The following MGAT4C variants were observed in gnomAD, a reference collection of about 807,000 sequenced individuals.
The protein encoded by MGAT4C is alpha-1,3-mannosyl-glycoprotein 4-beta-N-acetylglucosaminyltransferase C.
A neutral mutation model predicts 40.1 loss-of-function variants in MGAT4C; 19 were observed. The observed-to-expected ratio is 0.47, with a 90% CI of 0.33 to 0.70. The LOEUF is 0.70. Among genes scored for constraint, MGAT4C ranks in the 30% least tolerant of loss-of-function variants. The pLI is 0.02. For missense variants in MGAT4C, 491 were observed against 563.2 expected, an observed-to-expected ratio of 0.87 and a Z score of 1.30; for synonymous variants, 181 against 187.1, an observed-to-expected ratio of 0.97 and a Z score of 0.27.
At chr12:86,464,588 A>T (rs1372545550) in intron 2 of MGAT4C, among the ~76,000 whole-genome samples, 2 of 152,122 alleles carry the variant, frequency 1.3e-5, no homozygotes, top group African/African-American at 4.8e-5. Flanking sequence ...GCATATATTT[A>T]TGAAAATAAC....
intron 1 of MGAT4C, among the ~76,000 whole-genome samples, chr12:86,084,052 T>C (rs1000911029): frequency 6.6e-6 from 1 of 152,058 alleles, no homozygotes; most frequent in Non-Finnish European, 1.5e-5. Flanking sequence ...GAGGTGATTT[T>C]TTCATTCAAC....
At chr12:86,436,451 G>T (rs1216432909) in intron 2 of MGAT4C, among the ~76,000 whole-genome samples, 1 of 151,352 alleles carries the variant, frequency 6.6e-6, no homozygotes, top group Non-Finnish European at 1.5e-5. Context: ...CCTACATACT[G>T]TTTTTTTAAT....
intron 4 of MGAT4C, among the ~76,000 whole-genome samples, chr12:86,287,238 C>A (rs544259117): frequency 1.3e-5 from 2 of 152,178 alleles, no homozygotes; most frequent in African/African-American, 4.8e-5. Context: ...TTTGCCTTTT[C>A]CCCCAATCTC....
intron 1 of MGAT4C, among the ~76,000 whole-genome samples, chr12:86,247,096 T>C (rs1952070535): frequency 6.6e-6 from 1 of 152,214 alleles, no homozygotes; most frequent in African/African-American, 2.4e-5. Context: ...AAATGACCAT[T>C]AGGATACAAT....
At position 85,977,891 on chromosome 12, in the gene MGAT4C, AT is replaced by A. The variant is rs1340184208; in HGVS notation, c.*1397del. On this transcript the variant is annotated 3_prime_UTR_variant, in exon 5 of 5. Coordinates refer to ENST00000611864, the MANE Select transcript of MGAT4C (RefSeq NM_001351288.2). ...CTTAAACATATATGAAGCACCTTCC[AT>A]TTCCCTTTATAATAAATCCCTTAGT... 3 of 150,494 alleles carry A rather than the reference AT, an allele frequency of 2.0e-5. No homozygotes were observed. Among genetic ancestry groups the A allele is most frequent in the Non-Finnish European group, 3.0e-5 (2 of 67,306 alleles). The allele number at this position is 150,494 out of a possible 1,614,324, so 9.3% of individuals were successfully genotyped here.
chr12:86,577,777 T>G (rs1375869980), intron 2 of MGAT4C, among the ~76,000 whole-genome samples: 1 of 151,864 alleles, frequency 6.6e-6, no homozygotes, highest in East Asian at 1.9e-4. Flanking sequence ...TATTTCTTTT[T>G]GGGGAGGGTG....
chr12:86,179,450 G>T (rs532671921), intron 1 of MGAT4C, among the ~76,000 whole-genome samples: 1 of 152,320 alleles, frequency 6.6e-6, no homozygotes, highest in East Asian at 1.9e-4. Context: ...ATAGGCAGAG[G>T]TTGGAACAGT....
intron 1 of MGAT4C, among the ~76,000 whole-genome samples, chr12:86,208,921 CTACT>C (rs1950357456): frequency 6.6e-6 from 1 of 152,112 alleles, no homozygotes; most frequent in Non-Finnish European, 1.5e-5. Context: ...TATACATTCG[CTACT>C]TACTTCTCTA....
intron 1 of MGAT4C, among the ~76,000 whole-genome samples, chr12:86,134,002 G>C (rs1392894992): frequency 6.6e-6 from 1 of 151,830 alleles, no homozygotes; most frequent in Non-Finnish European, 1.5e-5. Flanking sequence ...ATACTAAAAA[G>C]TTCAAATGCT....
intron 1 of MGAT4C, among the ~76,000 whole-genome samples, chr12:86,144,832 T>C (rs1227342582): frequency 6.6e-6 from 1 of 152,140 alleles, no homozygotes; most frequent in African/African-American, 2.4e-5. Context: ...AACCAGTCCT[T>C]GGAGATTTTA....
At chr12:86,463,488 C>A (rs1022318903) in intron 2 of MGAT4C, among the ~76,000 whole-genome samples, 8 of 152,268 alleles carry the variant, frequency 5.3e-5, no homozygotes, top group Middle Eastern at 3.4e-3. Flanking sequence ...TGGCCAAGGA[C>A]ACCTGCAAAG....
intron 2 of MGAT4C, among the ~76,000 whole-genome samples, chr12:86,624,107 T>C (rs1210202944): frequency 6.6e-6 from 1 of 152,166 alleles, no homozygotes; most frequent in African/African-American, 2.4e-5. Context: ...ATATGTCATA[T>C]ATAAGTTGAA....
At chr12:86,589,150 C>T (rs144616280) in intron 2 of MGAT4C, among the ~76,000 whole-genome samples, 4,693 of 151,698 alleles carry the variant, frequency 0.031, 120 homozygotes, top group African/African-American at 0.074. Flanking sequence ...ATTGATAGAC[C>T]GCTGGCAAGA....
intron 3 of MGAT4C, among the ~76,000 whole-genome samples, chr12:86,415,879 C>T (rs1458923447): frequency 1.3e-5 from 2 of 151,988 alleles, no homozygotes; most frequent in Admixed American, 6.6e-5. Context: ...CAATCTTTGA[C>T]ATGGCAATTT....
intron 1 of MGAT4C, among the ~76,000 whole-genome samples, chr12:86,093,731 A>AAACAACAAC (rs35399411): frequency 0.019 from 2,846 of 149,512 alleles, 33 homozygotes; most frequent in Middle Eastern, 0.048. Context: ...CTCCGTCTAA[A>AAACAACAAC]AACAACAACA....
intron 2 of MGAT4C, among the ~76,000 whole-genome samples, chr12:86,597,611 A>G (rs1275900856): frequency 1.3e-5 from 2 of 152,162 alleles, no homozygotes; most frequent in South Asian, 4.1e-4. Context: ...ATGTTCTTTC[A>G]GGTCCTGCAT....
At chr12:86,300,802 CA>C (rs1218576178) in intron 4 of MGAT4C, among the ~76,000 whole-genome samples, 2 of 151,778 alleles carry the variant, frequency 1.3e-5, no homozygotes, top group African/African-American at 4.8e-5. Context: ...AGTTGTACTG[CA>C]AAAAATAGCA....
chr12:86,294,967 T>A (rs10776957), intron 4 of MGAT4C, among the ~76,000 whole-genome samples: 102,203 of 152,010 alleles, frequency 0.67, 34,777 homozygotes, highest in South Asian at 0.78. Context: ...ATTTGTCACA[T>A]AAATCTTCTT....
At chr12:86,518,578 G>C (rs2136356448) in intron 2 of MGAT4C, among the ~76,000 whole-genome samples, 1 of 152,248 alleles carries the variant, frequency 6.6e-6, no homozygotes, top group African/African-American at 2.4e-5. Context: ...CTTAAATATT[G>C]CTGACAGAAA....
Sources: gnomAD v4.1 joint callset for allele counts (sites outside exome capture counted in the v4.1 genomes callset) on GRCh38, gnomAD v4.1.1 for gene constraint, MANE v1.5 for transcripts, NCBI Gene and HGNC (gene_info 2026-07-23, HGNC 2026-07-21) for gene names.